Variants in SPATA13 observed in about 807,000 individuals in gnomAD.
SPATA13 encodes spermatogenesis associated 13.
In SPATA13, 50 loss-of-function variants were observed where a neutral mutation model predicts 104.0. The ratio of observed to expected loss-of-function variants is 0.48; its 90% CI spans 0.38 to 0.61. SPATA13 has a LOEUF of 0.61. Ranked by LOEUF, SPATA13 falls within the 20% of genes least tolerant of loss-of-function variation. SPATA13 has a pLI of 0.00. For missense variants in SPATA13, 1,524 were observed against 1,690.6 expected, an observed-to-expected ratio of 0.90 and a Z score of 1.73; for synonymous variants, 606 against 667.5, an observed-to-expected ratio of 0.91 and a Z score of 1.42.
chr13:24,020,084 C>A (rs1374880020), intron 3 of SPATA13, among the ~76,000 whole-genome samples: 1 of 152,214 alleles, frequency 6.6e-6, no homozygotes, highest in Non-Finnish European at 1.5e-5. Flanking sequence ...GAGCACCAAG[C>A]CTCACCGACA....
rs758074509 is a variant in SPATA13 at position 24,294,785 on chromosome 13, G to A, written c.3127G>A (p.Ala1043Thr). ...AGCATATGAGGCCATGAAGAATGTGGCCTGTCTGATCAACGAGCGCAAGCG... is the reference window on the plus strand; with the variant it reads ...AGCATATGAGGCCATGAAGAATGTGACCTGTCTGATCAACGAGCGCAAGCG... ...KAAYEAMKNV[A>T]CLINERKRKL... The change falls in exon 10 of 13, where the codon GCC (alanine) becomes ACC (threonine). Residue 1043 changes from alanine to threonine, a missense_variant. Physicochemically the swap from Ala to Thr is moderately conservative, Grantham distance 58 (BLOSUM62 0). Coordinates refer to ENST00000382108, the MANE Select transcript of SPATA13 (RefSeq NM_001166271.3). The A allele has an allele frequency of 1.9e-6, 3 of 1,610,624 alleles. No individual in the cohort carries two copies. The African/African-American group carries it at 4.0e-5, about 22-fold the overall frequency.
chr13:24,177,584 C>T (rs1001467445), intron 1 of SPATA13, among the ~76,000 whole-genome samples: 2 of 152,200 alleles, frequency 1.3e-5, no homozygotes, highest in African/African-American at 4.8e-5. Context: ...CTCAGCCTCC[C>T]CAGTAGCTGG....
chr13:24,138,137 T>TA (rs11321247), intron 3 of SPATA13, among the ~76,000 whole-genome samples: 2,701 of 144,840 alleles, frequency 0.019, 31 homozygotes, highest in Non-Finnish European at 0.022. Context: ...CCATCTCTTC[T>TA]AAAAAAAAAA....
chr13:24,113,354 G>T (rs1880710871), intron 3 of SPATA13, among the ~76,000 whole-genome samples: 1 of 152,140 alleles, frequency 6.6e-6, no homozygotes, highest in Non-Finnish European at 1.5e-5. Flanking sequence ...TGTAATCCCA[G>T]CACTTTGGGA....
intron 2 of SPATA13, among the ~76,000 whole-genome samples, chr13:24,005,857 G>C (rs1300080184): frequency 6.6e-6 from 1 of 152,202 alleles, no homozygotes; most frequent in Non-Finnish European, 1.5e-5. Context: ...CAGCAGCATA[G>C]CTGACATTTT....
In SPATA13 at chr13:24,306,288, T is replaced by C. The variant is rs1046638270; in HGVS notation, c.*3515T>C. 2.0e-5 allele frequency: 3 copies of C among 152,238 alleles called. No individual in the cohort carries two copies. The highest frequency in any genetic ancestry group is 4.8e-5 in the African/African-American group (2 of 41,464). 9.4% of individuals were successfully genotyped at this position (152,238 alleles called of 1,614,324 possible). A position where few individuals can be genotyped will look rare whatever the true frequency, so the allele number is the denominator to read the frequency against. On this transcript the variant is annotated 3_prime_UTR_variant, in exon 13 of 13. Transcript: ENST00000382108. ...AGGTGGAAATCTCTGCAAGCCAAAT[T>C]GCTGATACTCCTTCATGCAGATCAA...
chr13:24,094,252 A>G (rs1879999324), intron 3 of SPATA13, among the ~76,000 whole-genome samples: 1 of 152,248 alleles, frequency 6.6e-6, no homozygotes, highest in Non-Finnish European at 1.5e-5. Flanking sequence ...GACTTTGGCG[A>G]GAACATCGTG....
At chr13:24,222,190 G>A (rs1871623554) in intron 1 of SPATA13, among the ~76,000 whole-genome samples, 1 of 152,112 alleles carries the variant, frequency 6.6e-6, no homozygotes, top group South Asian at 2.1e-4. Context: ...CCCCACCAAT[G>A]TGTTTCCTTC....
At chr13:24,186,815 C>T (rs1869180503) in intron 1 of SPATA13, among the ~76,000 whole-genome samples, 1 of 152,134 alleles carries the variant, frequency 6.6e-6, no homozygotes, top group South Asian at 2.1e-4. Context: ...GAAGGAAGAG[C>T]TGGAAATAGG....
At chr13:24,050,614 A>G (rs1566086001) in intron 3 of SPATA13, among the ~76,000 whole-genome samples, 1 of 152,194 alleles carries the variant, frequency 6.6e-6, no homozygotes, top group Non-Finnish European at 1.5e-5. Context: ...TCAGCCCTGG[A>G]CAAGAATCCA....
intron 3 of SPATA13, among the ~76,000 whole-genome samples, chr13:24,101,349 C>A (rs1880252322): frequency 1.3e-5 from 2 of 152,134 alleles, no homozygotes; most frequent in South Asian, 4.1e-4. Flanking sequence ...AGCATTATGA[C>A]CACTGTTGTA....
chr13:24,158,214 G>C (rs140133804), upstream of SPATA13, among the ~76,000 whole-genome samples: 649 of 152,288 alleles, frequency 4.3e-3, 2 homozygotes, highest in African/African-American at 0.015. Context: ...GATCAGCAGA[G>C]AAGAAAAGAG....
Position 24,160,940 on chromosome 13 carries a change from G to T in SPATA13, c.-112+8G>T. Reference sequence around the variant, plus strand: ...CAAGAGGCGCCGCAGGAGGTAAGACGGCTTCGGGCGCGCGGCTCTGCCGGG... The same window carrying T: ...CAAGAGGCGCCGCAGGAGGTAAGACTGCTTCGGGCGCGCGGCTCTGCCGGG... On this transcript the variant is annotated splice_region_variant and intron_variant, in intron 1 of 12. Transcript: ENST00000382108. 6 of 985,898 alleles carry T rather than the reference G, an allele frequency of 6.1e-6. No homozygotes were observed. Among genetic ancestry groups the T allele is most frequent in the Non-Finnish European group, 7.2e-6 (6 of 830,340 alleles). The allele number at this position is 985,898 out of a possible 1,614,324, so 61.1% of individuals were successfully genotyped here. A position where few individuals can be genotyped will look rare whatever the true frequency, so the allele number is the denominator to read the frequency against.
At chr13:24,285,313 C>T (rs951923277) in intron 5 of SPATA13, among the ~76,000 whole-genome samples, 11 of 151,870 alleles carry the variant, frequency 7.2e-5, no homozygotes, top group African/African-American at 2.4e-4. Flanking sequence ...ATGAATGATC[C>T]ACACTGGAGG....
At position 24,202,505 on chromosome 13, in the gene SPATA13, G is replaced by GCTTT. The variant is rs904915198; in HGVS notation, c.-111-20304_-111-20301dup. Among the ~76,000 whole-genome samples, 5 of 124,602 alleles carry GCTTT rather than the reference G, an allele frequency of 4.0e-5. No individual in the cohort carries two copies. The East Asian group carries it at 7.7e-4, about 19-fold the overall frequency. The allele number at this position is 124,602 out of a possible 152,430, so 81.7% of individuals were successfully genotyped here. ...CAGTGTTGGCCTCAGAGACCTGTTT[G>GCTTT]CTTTCTTTCTTTCCCTTTTTTTTTT... On this transcript the variant is annotated intron_variant, in intron 1 of 12. Transcript: ENST00000382108.
chr13:24,280,323 T>C (rs1875399949), intron 4 of SPATA13, among the ~76,000 whole-genome samples: 1 of 152,232 alleles, frequency 6.6e-6, no homozygotes, highest in Non-Finnish European at 1.5e-5. Context: ...TTATACATGA[T>C]TACAACCAGC....
At chr13:24,056,122 G>T (rs1401181641) in intron 3 of SPATA13, among the ~76,000 whole-genome samples, 2 of 152,152 alleles carry the variant, frequency 1.3e-5, no homozygotes, top group African/African-American at 2.4e-5. Context: ...TGGGATGAAG[G>T]GCACCCCTCA....
At chr13:23,999,816 A>G (rs1026098969) in intron 2 of SPATA13, among the ~76,000 whole-genome samples, 2 of 152,232 alleles carry the variant, frequency 1.3e-5, no homozygotes, top group Non-Finnish European at 2.9e-5. Flanking sequence ...TAAGAATCAG[A>G]AATCCTCTTT....
At chr13:24,143,174 G>C (rs1881816815) in intron 3 of SPATA13, among the ~76,000 whole-genome samples, 1 of 152,186 alleles carries the variant, frequency 6.6e-6, no homozygotes, top group African/African-American at 2.4e-5. Context: ...TCCTTTTCTG[G>C]CATTTTGGCC....
Sources: allele counts gnomAD v4.1 joint callset (sites outside exome capture counted in the v4.1 genomes callset), GRCh38; gene constraint gnomAD v4.1.1; transcripts MANE v1.5; gene names NCBI Gene and HGNC (gene_info 2026-07-23, HGNC 2026-07-21).